The following ATP2A1 variants were observed in gnomAD, a reference collection of about 807,000 sequenced individuals.
ATP2A1 encodes the protein sarcoplasmic/endoplasmic reticulum calcium ATPase 1.
Under a neutral mutation model 109.5 loss-of-function variants are expected in ATP2A1, and 83 were observed. The observed-to-expected ratio is 0.76, with a 90% CI of 0.63 to 0.91. ATP2A1 has a LOEUF of 0.91. Ranked by LOEUF, ATP2A1 falls within the 40% of genes least tolerant of loss-of-function variation. The pLI is 0.00. For synonymous variants in ATP2A1, 505 were observed against 537.6 expected (o/e 0.94, Z 0.84); for missense variants, 1,101 against 1,341.0 (o/e 0.82, Z 2.80).
At chr16:28,888,396 T>C (rs575957081) in intron 8 of ATP2A1, among the ~76,000 whole-genome samples, 16 of 152,206 alleles carry the variant, frequency 1.1e-4, no homozygotes, top group Middle Eastern at 6.8e-3. Context: ...CTGGTATCTT[T>C]GCGGACCATT....
In ATP2A1 at chr16:28,903,909, T is replaced by C; in HGVS notation, c.*37+168T>C. The stretch of plus-strand genomic sequence containing the variant: ...TCAGGGTGGGCCGCTGGCCTCCCAC[T>C]GGGCGTCAGTTTGGCTCCCAGGCCC... On this transcript the variant is annotated intron_variant, in intron 22 of 22. Transcript: ENST00000395503. The surrounding 1 kb of genome is among the most constrained non-coding windows in gnomAD (Gnocchi z 5.6). 1.3e-6 allele frequency: 1 copy of C among 779,436 alleles called. No homozygotes were observed. Among genetic ancestry groups the C allele is most frequent in the East Asian group, 2.4e-5 (1 of 41,046 alleles). The allele number at this position is 779,436 out of a possible 1,614,324, so 48.3% of individuals were successfully genotyped here. A position where few individuals can be genotyped will look rare whatever the true frequency, so the allele number is the denominator to read the frequency against.
chr16:28,902,602 G>C lies in ATP2A1; in HGVS notation c.2547G>C (p.Val849=). The C allele has an allele frequency of 6.2e-7, 1 of 1,614,092 alleles. No homozygotes were observed. Among genetic ancestry groups the C allele is most frequent in the Non-Finnish European group, 8.5e-7 (1 of 1,179,988 alleles). ...AIGGYVGAAT[V]GAAAWWFLYA... ...CAGGCTATGTGGGTGCAGCCACCGT[G>C]GGAGCAGCTGCCTGGTGGTTCCTGT... Residue 849 remains valine (V), a synonymous_variant, in exon 18 of 23, where the codon GTG becomes GTC. Coordinates refer to ENST00000395503, the MANE Select transcript of ATP2A1 (RefSeq NM_004320.6). The surrounding 1 kb of genome is among the most constrained non-coding windows in gnomAD (Gnocchi z 4.8).
chr16:28,900,506 A>ACCC, intron 14 of ATP2A1, 75 bp from the exon 15 acceptor site: 1 of 810,278 alleles, frequency 1.2e-6, no homozygotes, highest in East Asian at 4.4e-5. Flanking sequence ...CCCCATCCCC[A>ACCC]CCCCCCACCA....
In ATP2A1 at chr16:28,879,290, C is replaced by G; in HGVS notation, c.136+174C>G. ...GGGGCAGAAGTCTCCCAGGCGCTTT[C>G]TCCTTGAAGCAGCCAACCCTTGAAC... On this transcript the variant is annotated intron_variant, in intron 2 of 22. Transcript: ENST00000395503. 9.6e-6 allele frequency: 9 copies of G among 938,366 alleles called. No individual in the cohort carries two copies. In the South Asian group the frequency reaches 9.8e-5, roughly 10 times the overall value. The allele number at this position is 938,366 out of a possible 1,614,324, so 58.1% of individuals were successfully genotyped here.
rs756723923 is a variant in ATP2A1 at position 28,894,920 on chromosome 16, C to G, written c.1386C>G (p.Leu462=). ...MNVFNTDVRS[L]SKVERANACN... ...TGTTCAACACGGATGTGAGAAGCCT[C>G]TCGAAGGTGGAGAGAGCCAACGCCT... Residue 462 remains leucine (L), a synonymous_variant, in exon 12 of 23, where the codon CTC becomes CTG. Coordinates refer to ENST00000395503, the MANE Select transcript of ATP2A1 (RefSeq NM_004320.6). 10 of 1,612,542 alleles carry G rather than the reference C, an allele frequency of 6.2e-6. No homozygotes were observed. The South Asian group carries it at 9.9e-5, about 16-fold the overall frequency.
chr16:28,895,554 A>G (rs1963897942), intron 12 of ATP2A1, among the ~76,000 whole-genome samples: 1 of 152,076 alleles, frequency 6.6e-6, no homozygotes, highest in Non-Finnish European at 1.5e-5. Context: ...GGCCAGACAC[A>G]GAGACTCACG....
intron 1 of ATP2A1, 129 bp downstream of exon 1, chr16:28,878,918 G>C (rs538925740): frequency 7.5e-7 from 1 of 1,330,576 alleles, no homozygotes; most frequent in African/African-American, 1.4e-5. Flanking sequence ...TCCAATGCTC[G>C]CAGGGGGAAG....
chr16:28,903,014 C>T lies in ATP2A1; in HGVS notation c.2745-16C>T. 1 of 1,613,688 alleles carries T rather than the reference C, an allele frequency of 6.2e-7. No individual in the cohort carries two copies. The highest frequency in any genetic ancestry group is 1.1e-5 in the South Asian group (1 of 91,076). ...TCCTCCTCACTGTGCCTTCTCCCTCCCCTTCCCCTCTGCAGCCTGTCCGAG... is the reference window on the plus strand; with the variant it reads ...TCCTCCTCACTGTGCCTTCTCCCTCTCCTTCCCCTCTGCAGCCTGTCCGAG... On this transcript the variant is annotated splice_polypyrimidine_tract_variant and intron_variant, in intron 19 of 22. Coordinates refer to ENST00000395503, the MANE Select transcript of ATP2A1 (RefSeq NM_004320.6). This position sits in a 1 kb window ranked among gnomAD's most constrained non-coding sequence, Gnocchi z 5.6.
At chr16:28,882,795 T>C (rs1432023292) in intron 5 of ATP2A1, among the ~76,000 whole-genome samples, 2 of 152,144 alleles carry the variant, frequency 1.3e-5, no homozygotes, top group Non-Finnish European at 2.9e-5. Flanking sequence ...GCCAGTCCTG[T>C]CCCTGAGGCT....
rs147584580 is a variant in ATP2A1, at chr16:28,887,688, T to C, written c.894T>C (p.Ile298=). The C allele has an allele frequency of 2.0e-5, 33 of 1,614,136 alleles. No homozygotes were observed. The highest frequency in any genetic ancestry group is 2.5e-5 in the Non-Finnish European group (29 of 1,180,040). ...WFRGAIYYFK[I]AVALAVAAIP... ...GCGGGGCCATCTACTACTTTAAGAT[T>C]GCCGTGGCCTTGGCTGTGGCTGCCA... The change falls in exon 8 of 23, where the codon ATT becomes ATC. Residue 298 remains isoleucine (I), a synonymous_variant. Coordinates refer to ENST00000395503, the MANE Select transcript of ATP2A1 (RefSeq NM_004320.6).
intron 12 of ATP2A1, 143 bp downstream of exon 12, chr16:28,895,096 A>G: frequency 7.9e-7 from 1 of 1,265,678 alleles, no homozygotes; most frequent in Non-Finnish European, 1.1e-6. Flanking sequence ...CAGCTTCTCC[A>G]CAGGCTGATG....
At chr16:28,893,054 T>G in intron 9 of ATP2A1, among the ~76,000 whole-genome samples, 1 of 148,192 alleles carries the variant, frequency 6.7e-6, no homozygotes. Flanking sequence ...AAAAAAGAAT[T>G]GCCCATATAT....
chr16:28,880,803 T>G lies in ATP2A1; in HGVS notation c.220-112T>G, dbSNP rs1025535357. 1.1e-5 allele frequency: 12 copies of G among 1,081,268 alleles called. No individual in the cohort carries two copies. The highest frequency in any genetic ancestry group is 1.6e-5 in the Non-Finnish European group (11 of 704,210). 67.0% of individuals were successfully genotyped at this position (1,081,268 alleles called of 1,614,324 possible). ...GCGCCCCGACGGTGCCCGGCCCTCC[T>G]GCTGGCTCCTGCACTCTCCTGCACA... On this transcript the variant is annotated intron_variant, in intron 3 of 22. Transcript: ENST00000395503. The surrounding 1 kb of genome is among the most constrained non-coding windows in gnomAD (Gnocchi z 4.2).
At chr16:28,901,495 T>C (rs1964071568) in intron 15 of ATP2A1, among the ~76,000 whole-genome samples, 3 of 152,006 alleles carry the variant, frequency 2.0e-5, no homozygotes. Flanking sequence ...TGGCCGTGCG[T>C]GGTGGCACAT....
At chr16:28,901,126 G>A (rs749522035) in intron 15 of ATP2A1, among the ~76,000 whole-genome samples, 46 of 152,086 alleles carry the variant, frequency 3.0e-4, no homozygotes, top group Middle Eastern at 3.4e-3. Flanking sequence ...GCAGGAGTTC[G>A]AGACCAGCCT....
Position 28,902,388 on chromosome 16 carries a change from TG to T in ATP2A1, c.2524+3del. The stretch of plus-strand genomic sequence containing the variant: ...TCTTCCGCTACATGGCAATCGGGGG[TG>T]AGCTGGAGGGGTTCCTCGATCCTCC... On this transcript the variant is annotated splice_donor_region_variant and intron_variant, in intron 17 of 22. Transcript: ENST00000395503. The surrounding 1 kb of genome is among the most constrained non-coding windows in gnomAD (Gnocchi z 4.8). 1 of 1,612,716 alleles carries T rather than the reference TG, an allele frequency of 6.2e-7. No individual in the cohort carries two copies. The highest frequency in any genetic ancestry group is 8.5e-7 in the Non-Finnish European group (1 of 1,179,598).
chr16:28,895,272 T>C (rs1335182419), intron 12 of ATP2A1, among the ~76,000 whole-genome samples: 1 of 152,212 alleles, frequency 6.6e-6, no homozygotes, highest in Non-Finnish European at 1.5e-5. Flanking sequence ...TTCCTTTGTT[T>C]CTAGAAGCAC....
Position 28,903,573 on chromosome 16 carries a change from C to T in ATP2A1, c.2981-127C>T. The T allele has an allele frequency of 8.5e-7, 1 of 1,177,768 alleles. No homozygotes were observed. The highest frequency in any genetic ancestry group is 1.3e-6 in the Non-Finnish European group (1 of 789,742). 73.0% of individuals were successfully genotyped at this position (1,177,768 alleles called of 1,614,324 possible). On this transcript the variant is annotated intron_variant, in intron 21 of 22. Transcript: ENST00000395503. This position sits in a 1 kb window ranked among gnomAD's most constrained non-coding sequence, Gnocchi z 5.6. The stretch of plus-strand genomic sequence containing the variant: ...TGGCAGGACCTGTGTCCGCCCCGTT[C>T]CCCCTGCGCCTGCAGGGGCCACATC...
Position 28,888,908 on chromosome 16 carries a change from C to T in ATP2A1, c.1050C>T (p.Ser350=), listed in dbSNP as rs1022072600. 17 of 1,614,024 alleles carry T rather than the reference C, an allele frequency of 1.1e-5. No individual in the cohort carries two copies. The East Asian group carries it at 1.1e-4, about 11-fold the overall frequency. ...ETLGCTSVIC[S]DKTGTLTTNQ... ...TGGGCTGCACCTCTGTCATCTGTTCCGACAAGACAGGCACCCTCACCACCA... is the reference window on the plus strand; with the variant it reads ...TGGGCTGCACCTCTGTCATCTGTTCTGACAAGACAGGCACCCTCACCACCA... The change falls in exon 9 of 23, where the codon TCC becomes TCT. Residue 350 remains serine (S), a synonymous_variant. Coordinates refer to ENST00000395503, the MANE Select transcript of ATP2A1 (RefSeq NM_004320.6).
Sources: gnomAD v4.1 joint callset for allele counts (sites outside exome capture counted in the v4.1 genomes callset) on GRCh38, gnomAD v4.1.1 for gene constraint, Gnocchi (gnomAD v3.1) non-coding constraint, MANE v1.5 for transcripts, NCBI Gene and HGNC (gene_info 2026-07-23, HGNC 2026-07-21) for gene names.